TAFA5: variants seen among roughly 807,000 people sequenced by gnomAD.
TAFA5 encodes TAFA chemokine like family member 5.
TAFA5 carries 6 observed loss-of-function variants against 15.3 expected under a neutral mutation model. That is an observed-to-expected ratio of 0.39 (90% confidence interval 0.21 to 0.77). TAFA5 has a LOEUF of 0.77. Ranked by LOEUF, TAFA5 falls within the 30% of genes least tolerant of loss-of-function variation. The pLI is 0.41. For synonymous variants in TAFA5, 103 were observed against 80.7 expected, an observed-to-expected ratio of 1.28 and a Z score of -1.48; for missense variants, 161 against 193.1, an observed-to-expected ratio of 0.83 and a Z score of 0.98.
intron 1 of TAFA5, among the ~76,000 whole-genome samples, chr22:48,557,252 G>A (rs555117124): frequency 1.1e-3 from 165 of 152,290 alleles, no homozygotes; most frequent in African/African-American, 3.6e-3. Context: ...GTAAGGGTGG[G>A]GCCCTGATCC....
intron 1 of TAFA5, among the ~76,000 whole-genome samples, chr22:48,558,060 C>T (rs565030293): frequency 5.1e-4 from 77 of 152,246 alleles, no homozygotes; most frequent in African/African-American, 1.7e-3. Context: ...CCTTTAGATT[C>T]TGCACCTCAC....
chr22:48,681,904 T>C (rs1004496552), intron 2 of TAFA5, among the ~76,000 whole-genome samples: 3 of 62,260 alleles, frequency 4.8e-5, no homozygotes, highest in African/African-American at 1.2e-4. Context: ...CCTTAGGTTC[T>C]CGCACAGATC....
At chr22:48,693,569 C>T (rs865810744) in intron 2 of TAFA5, among the ~76,000 whole-genome samples, 3 of 152,148 alleles carry the variant, frequency 2.0e-5, no homozygotes, top group African/African-American at 4.8e-5. Flanking sequence ...GAACTCTGTT[C>T]CCACCCCTGG....
At chr22:48,548,856 A>C (rs1292237418) in intron 1 of TAFA5, among the ~76,000 whole-genome samples, 2 of 152,238 alleles carry the variant, frequency 1.3e-5, no homozygotes, top group East Asian at 3.8e-4. Context: ...GGCATACAGC[A>C]GGTGCTTATT....
intron 1 of TAFA5, among the ~76,000 whole-genome samples, chr22:48,529,818 C>T (rs952010695): frequency 2.0e-5 from 3 of 152,048 alleles, no homozygotes; most frequent in South Asian, 2.1e-4. Context: ...GACCTCCATC[C>T]TCCCATGGGT....
At chr22:48,641,572 C>T (rs1428602524) in intron 1 of TAFA5, among the ~76,000 whole-genome samples, 1 of 149,754 alleles carries the variant, frequency 6.7e-6, no homozygotes, top group Non-Finnish European at 1.5e-5. Flanking sequence ...TCCCCTTCCC[C>T]CTGCACGCCC....
intron 2 of TAFA5, among the ~76,000 whole-genome samples, chr22:48,673,917 T>C (rs745932702): frequency 5.9e-5 from 9 of 151,890 alleles, no homozygotes; most frequent in Non-Finnish European, 1.3e-4. Context: ...ATACTAGGGG[T>C]GGGAGGGCTG....
chr22:48,495,147 G>A lies in TAFA5; in HGVS notation c.112+5443G>A, dbSNP rs778065369. On this transcript the variant is annotated intron_variant, in intron 1 of 3. Transcript: ENST00000402357. ...GTCACCTGCCATGGGGTGAGCCTCCGCTTTGGAGGGGCCTGGCTCTGCGGG... is the reference window on the plus strand; with the variant it reads ...GTCACCTGCCATGGGGTGAGCCTCCACTTTGGAGGGGCCTGGCTCTGCGGG... Among the ~76,000 whole-genome samples the A allele has an allele frequency of 2.6e-5, 4 of 152,352 alleles. No homozygotes were observed. The East Asian group carries it at 5.8e-4, about 22-fold the overall frequency.
chr22:48,510,054 A>G (rs1921156714), intron 1 of TAFA5, among the ~76,000 whole-genome samples: 3 of 152,240 alleles, frequency 2.0e-5, no homozygotes, highest in Non-Finnish European at 4.4e-5. Context: ...AATGGATTAA[A>G]GACATAAATG....
At chr22:48,626,934 C>T (rs1027614157) in intron 1 of TAFA5, among the ~76,000 whole-genome samples, 9 of 152,284 alleles carry the variant, frequency 5.9e-5, no homozygotes, top group African/African-American at 1.9e-4. Flanking sequence ...GCTCCAGCCC[C>T]GTGCTGAGAC....
intron 2 of TAFA5, among the ~76,000 whole-genome samples, chr22:48,659,506 G>T (rs1485439359): frequency 6.6e-6 from 1 of 152,262 alleles, no homozygotes; most frequent in South Asian, 2.1e-4. Context: ...CAGCAGCTGG[G>T]CTGGACGGTG....
chr22:48,579,561 C>G (rs917227389), intron 1 of TAFA5, among the ~76,000 whole-genome samples: 3 of 152,220 alleles, frequency 2.0e-5, no homozygotes, highest in Non-Finnish European at 4.4e-5. Context: ...GAGAGGGAAG[C>G]CAGCACTTTA....
chr22:48,667,366 G>T (rs966441001), intron 2 of TAFA5, among the ~76,000 whole-genome samples: 1 of 152,208 alleles, frequency 6.6e-6, no homozygotes, highest in Non-Finnish European at 1.5e-5. Flanking sequence ...TCAGGAGGCA[G>T]ACCAGGAGGA....
intron 2 of TAFA5, among the ~76,000 whole-genome samples, chr22:48,669,818 G>C (rs73175132): frequency 2.0e-5 from 3 of 152,328 alleles, no homozygotes; most frequent in African/African-American, 7.2e-5. Context: ...GCCCAGAGAC[G>C]TCAGTGCTTT....
intron 2 of TAFA5, among the ~76,000 whole-genome samples, chr22:48,676,565 G>A (rs1404999296): frequency 6.6e-6 from 1 of 152,230 alleles, no homozygotes; most frequent in Non-Finnish European, 1.5e-5. Flanking sequence ...CCAAGCCTGT[G>A]TGATGTCCAG....
chr22:48,619,378 C>CA (rs1569050385), intron 1 of TAFA5, among the ~76,000 whole-genome samples: 2 of 152,164 alleles, frequency 1.3e-5, no homozygotes, highest in African/African-American at 4.8e-5. Flanking sequence ...GGTTTATAGA[C>CA]AGAGTCTCAC....
chr22:48,499,039 C>G (rs148759579), intron 1 of TAFA5, among the ~76,000 whole-genome samples: 1 of 152,326 alleles, frequency 6.6e-6, no homozygotes, highest in Non-Finnish European at 1.5e-5. Flanking sequence ...GCAGAGACAG[C>G]TCCTGCAGGC....
chr22:48,744,309 C>T lies in TAFA5; in HGVS notation c.391-5530C>T, dbSNP rs1291441902. ...GCTGACTCAGGCTCCAAGGTGGGGG[C>T]CACAGACTGTGGTTCTCTGGTGACC... On this transcript the variant is annotated intron_variant, in intron 3 of 3. Transcript: ENST00000402357. 2.6e-5 allele frequency among the ~76,000 whole-genome samples: 4 copies of T among 152,206 alleles called. No individual in the cohort carries two copies. In the East Asian group the frequency reaches 7.7e-4, roughly 29 times the overall value.
chr22:48,698,988 C>G (rs1490304546), intron 2 of TAFA5, among the ~76,000 whole-genome samples: 11 of 145,844 alleles, frequency 7.5e-5, no homozygotes, highest in Admixed American at 1.4e-4. Flanking sequence ...GTCCCCCAGG[C>G]TGGAGTGCAG....
Sources: gnomAD v4.1 joint callset for allele counts (sites outside exome capture counted in the v4.1 genomes callset) on GRCh38, gnomAD v4.1.1 for gene constraint, MANE v1.5 for transcripts, NCBI Gene and HGNC (gene_info 2026-07-23, HGNC 2026-07-21) for gene names.